Variants in HDAC9 observed in about 807,000 individuals in gnomAD.
The protein encoded by HDAC9 is histone deacetylase 9.
A neutral mutation model predicts 139.4 loss-of-function variants in HDAC9; 41 were observed. That is an observed-to-expected ratio of 0.29 (90% CI 0.23 to 0.38). HDAC9 has a LOEUF of 0.38. HDAC9 is among the 10% of genes least tolerant of loss of function. The probability of loss-of-function intolerance (pLI) is 1.00; values close to 1 mark genes in which losing one functional copy is unlikely to be tolerated. For missense variants in HDAC9, 1,147 were observed against 1,297.0 expected, an observed-to-expected ratio of 0.88 and a Z score of 1.78; for synonymous variants, 517 against 476.2, an observed-to-expected ratio of 1.09 and a Z score of -1.12.
chr7:18,962,500 C>T (rs992025642), intron 24 of HDAC9, among the ~76,000 whole-genome samples: 2 of 152,138 alleles, frequency 1.3e-5, no homozygotes, highest in Admixed American at 1.3e-4. Flanking sequence ...CTATGAGACA[C>T]AGTTTTGGGG....
chr7:18,574,389 C>A (rs1214181873), intron 2 of HDAC9, among the ~76,000 whole-genome samples: 1 of 152,198 alleles, frequency 6.6e-6, no homozygotes, highest in Non-Finnish European at 1.5e-5. Flanking sequence ...GGTCGTTATG[C>A]GCTTCAGAGG....
intron 6 of HDAC9, among the ~76,000 whole-genome samples, chr7:18,600,266 A>G (rs116807568): frequency 0.011 from 1,627 of 152,100 alleles, 28 homozygotes; most frequent in African/African-American, 0.037. Context: ...TAATTCTTGT[A>G]TCATTGTCTT....
At chr7:18,579,975 T>A (rs17139344) in intron 2 of HDAC9, among the ~76,000 whole-genome samples, 2,860 of 152,282 alleles carry the variant, frequency 0.019, 55 homozygotes, top group African/African-American at 0.05. Flanking sequence ...AGGCAGCTGA[T>A]AAAGTAGCAA....
chr7:18,736,286 T>A (rs1352617197), intron 13 of HDAC9, among the ~76,000 whole-genome samples: 2 of 152,234 alleles, frequency 1.3e-5, no homozygotes, highest in Non-Finnish European at 2.9e-5. Flanking sequence ...ATAGGAATGG[T>A]GAGAGAGGGC....
intron 6 of HDAC9, among the ~76,000 whole-genome samples, chr7:18,601,725 T>A (rs538689929): frequency 5.1e-4 from 77 of 152,338 alleles, no homozygotes; most frequent in African/African-American, 1.8e-3. Flanking sequence ...TCAACTGATA[T>A]AATCGTACGA....
chr7:18,406,438 G>A (rs571843614), intron 1 of HDAC9, among the ~76,000 whole-genome samples: 201 of 151,774 alleles, frequency 1.3e-3, no homozygotes, highest in African/African-American at 4.7e-3. Flanking sequence ...TGTCGCCCGG[G>A]CTGGAGTGCA....
intron 1 of HDAC9, among the ~76,000 whole-genome samples, chr7:18,447,576 A>T (rs143150165): frequency 6.6e-6 from 1 of 152,314 alleles, no homozygotes; most frequent in Admixed American, 6.5e-5. Context: ...CAGATTAATG[A>T]TCTTAGTCAT....
rs553540806 is a variant in HDAC9 at position 18,291,148 on chromosome 7, T to A, written c.-42+633T>A. On this transcript the variant is annotated intron_variant, in intron 1 of 3. Coordinates refer to the HDAC9 transcript ENST00000413509. Reference sequence around the variant, plus strand: ...AAATATGCCTATTGTGAACATTAAATAAAAGAGGCCTAAAGTTTCCTAAAG... The same window carrying A: ...AAATATGCCTATTGTGAACATTAAAAAAAAGAGGCCTAAAGTTTCCTAAAG... Among the ~76,000 whole-genome samples, 14 of 152,206 alleles carry A rather than the reference T, an allele frequency of 9.2e-5. No homozygotes were observed. In the South Asian group the frequency reaches 2.7e-3, roughly 29 times the overall value.
At chr7:18,469,549 G>A (rs1794567809) in intron 1 of HDAC9, among the ~76,000 whole-genome samples, 1 of 152,134 alleles carries the variant, frequency 6.6e-6, no homozygotes, top group Non-Finnish European at 1.5e-5. Flanking sequence ...GTGTGTAGGT[G>A]TTCAGTAGTA....
At chr7:18,092,398 T>C (rs1782220318) in intron 1 of HDAC9, among the ~76,000 whole-genome samples, 1 of 147,774 alleles carries the variant, frequency 6.8e-6, no homozygotes, top group Non-Finnish European at 1.5e-5. Context: ...TTTCTTTCTT[T>C]CTTTTTTTTT....
intron 1 of HDAC9, among the ~76,000 whole-genome samples, chr7:18,094,116 C>T (rs937651154): frequency 1.3e-5 from 2 of 152,178 alleles, no homozygotes; most frequent in African/African-American, 2.4e-5. Context: ...AGATCAGGTG[C>T]ACACCTATGG....
At chr7:18,248,642 A>T (rs139160616) in intron 2 of HDAC9, among the ~76,000 whole-genome samples, 2 of 152,138 alleles carry the variant, frequency 1.3e-5, no homozygotes, top group African/African-American at 4.8e-5. Flanking sequence ...AGCTTTTTTC[A>T]TGCACTACAT....
At chr7:18,541,082 G>T (rs1288467679) in intron 2 of HDAC9, among the ~76,000 whole-genome samples, 2 of 143,138 alleles carry the variant, frequency 1.4e-5, no homozygotes, top group African/African-American at 5.2e-5. Flanking sequence ...TATAGTGATG[G>T]TTATTTAACT....
intron 2 of HDAC9, 31 bp from the exon 3 acceptor site, chr7:18,585,250 A>AC (rs1554518540): frequency 6.6e-7 from 1 of 1,507,148 alleles, no homozygotes; most frequent in Non-Finnish European, 9.1e-7. Flanking sequence ...ACCCTCCCCC[A>AC]CCCCATTTCC....
At chr7:18,336,686 A>C (rs1464082428) in intron 1 of HDAC9, among the ~76,000 whole-genome samples, 2 of 151,544 alleles carry the variant, frequency 1.3e-5, no homozygotes, top group African/African-American at 4.8e-5. Context: ...CATTATGCTA[A>C]TTTCATGTTT....
At chr7:18,428,198 G>T (rs1790305128) in intron 1 of HDAC9, among the ~76,000 whole-genome samples, 1 of 152,060 alleles carries the variant, frequency 6.6e-6, no homozygotes, top group South Asian at 2.1e-4. Flanking sequence ...TGGATTGTAT[G>T]ATAGTTTTAA....
chr7:18,683,630 T>G (rs934792504), intron 12 of HDAC9, among the ~76,000 whole-genome samples: 7 of 152,256 alleles, frequency 4.6e-5, no homozygotes, highest in Admixed American at 4.6e-4. Context: ...TTGTTTGTTT[T>G]ATGATAATGG....
At chr7:18,335,897 A>G (rs1185398157) in intron 1 of HDAC9, among the ~76,000 whole-genome samples, 1 of 151,638 alleles carries the variant, frequency 6.6e-6, no homozygotes, top group African/African-American at 2.4e-5. Flanking sequence ...GTAAGACATG[A>G]ACTAGTATAT....
Position 18,433,257 on chromosome 7 carries a change from G to T in HDAC9, c.-41-63005G>T, listed in dbSNP as rs114619199. Among the ~76,000 whole-genome samples the T allele has an allele frequency of 9.1e-4, 139 of 152,202 alleles. 1 individual carries two copies. Among genetic ancestry groups the T allele is most frequent in the Middle Eastern group, 6.8e-3 (2 of 294 alleles). Reference sequence around the variant, plus strand: ...AAGGAACATACCTCAAATAACAAGAGCATCTGTGACAAACCCATAGCCAAC... The same window carrying T: ...AAGGAACATACCTCAAATAACAAGATCATCTGTGACAAACCCATAGCCAAC... On this transcript the variant is annotated intron_variant, in intron 1 of 3. Transcript: ENST00000413509.
Sources: allele counts gnomAD v4.1 joint callset (sites outside exome capture counted in the v4.1 genomes callset), GRCh38; gene constraint gnomAD v4.1.1; transcripts MANE v1.5; gene names NCBI Gene and HGNC (gene_info 2026-07-23, HGNC 2026-07-21).